Variants in RPA1 observed in about 807,000 individuals in gnomAD.
RPA1 encodes replication protein A1, also known as replication protein A 70 kDa DNA-binding subunit.
A neutral mutation model predicts 83.0 loss-of-function variants in RPA1; 49 were observed. That is an observed-to-expected ratio of 0.59 (90% confidence interval 0.47 to 0.75). RPA1 has a LOEUF of 0.75. RPA1 is among the 30% of genes least tolerant of loss of function. RPA1 has a pLI of 0.00. For synonymous variants in RPA1, 279 were observed against 281.8 expected (o/e 0.99, Z 0.10); for missense variants, 693 against 776.1 (o/e 0.89, Z 1.27).
chr17:1,890,882 C>T (rs546439561), intron 14 of RPA1, among the ~76,000 whole-genome samples: 2 of 152,196 alleles, frequency 1.3e-5, no homozygotes, highest in Non-Finnish European at 2.9e-5. Context: ...CACACGTGTG[C>T]GTCATTGTAG....
chr17:1,840,723 C>T (rs1055328448), intron 1 of RPA1, among the ~76,000 whole-genome samples: 3 of 152,268 alleles, frequency 2.0e-5, no homozygotes, highest in East Asian at 1.9e-4. Context: ...TGGTAGTTTT[C>T]GGTGTGCAGT....
intron 1 of RPA1, among the ~76,000 whole-genome samples, chr17:1,834,135 G>A (rs1393176616): frequency 2.0e-5 from 3 of 152,166 alleles, no homozygotes; most frequent in Non-Finnish European, 4.4e-5. Context: ...AGCCGAGATT[G>A]CACCAGTGCA....
In RPA1 at chr17:1,844,664, G is replaced by A. The variant is rs1912191033; in HGVS notation, c.250G>A (p.Val84Met). 1 of 1,613,398 alleles carries A rather than the reference G, an allele frequency of 6.2e-7. No homozygotes were observed. The highest frequency in any genetic ancestry group is 8.5e-7 in the Non-Finnish European group (1 of 1,179,576). The change falls in exon 4 of 17, where the codon GTG (valine) becomes ATG (methionine). Residue 84 changes from valine (V) to methionine (M), a missense_variant. By Grantham distance (21) the Val-to-Met change is conservative. Transcript: ENST00000254719. ...NCVCQIHRFI[V>M]NTLKDGRRVV... ...TGTATGCCAGATTCACAGATTTATTGTGAACACTCTGAAAGACGGAAGGTA... is the reference window on the plus strand; with the variant it reads ...TGTATGCCAGATTCACAGATTTATTATGAACACTCTGAAAGACGGAAGGTA...
chr17:1,858,251 A>G (rs1471806790), intron 5 of RPA1: 1 of 1,613,372 alleles, frequency 6.2e-7, no homozygotes, highest in African/African-American at 1.3e-5. Context: ...ACAAGTTCCA[A>G]ATAAGACTCA....
chr17:1,861,242 G>A (rs142989116), intron 5 of RPA1, among the ~76,000 whole-genome samples: 41 of 152,196 alleles, frequency 2.7e-4, no homozygotes, highest in Non-Finnish European at 5.0e-4. Flanking sequence ...CCAGCTAGAC[G>A]GCGATCTCCC....
intron 5 of RPA1, among the ~76,000 whole-genome samples, chr17:1,868,881 C>A (rs1025415176): frequency 6.6e-6 from 1 of 152,152 alleles, no homozygotes; most frequent in Non-Finnish European, 1.5e-5. Context: ...TTTTTGTCTG[C>A]GTATATAAGT....
chr17:1,892,749 A>G (rs983085236), intron 15 of RPA1, among the ~76,000 whole-genome samples: 3 of 152,256 alleles, frequency 2.0e-5, no homozygotes, highest in Admixed American at 6.5e-5. Context: ...ATCAGATGCA[A>G]TTCTTATGCG....
At chr17:1,832,763 C>G (rs945076341) in intron 1 of RPA1, among the ~76,000 whole-genome samples, 20 of 152,164 alleles carry the variant, frequency 1.3e-4, no homozygotes, top group African/African-American at 1.9e-4. Flanking sequence ...GCAATGATAT[C>G]TATTGCATAA....
At position 1,883,951 on chromosome 17, in the gene RPA1, A is replaced by T; in HGVS notation, c.1374+7A>T. On this transcript the variant is annotated splice_region_variant and intron_variant, in intron 13 of 16. Transcript: ENST00000254719. ...CCTGGGCCAAGGCGACAAGGTACCC[A>T]GCATTCCTAACCACCTTCACAAAGG... 6.2e-7 allele frequency: 1 copy of T among 1,613,604 alleles called. No individual in the cohort carries two copies. Among genetic ancestry groups the T allele is most frequent in the Non-Finnish European group, 8.5e-7 (1 of 1,179,972 alleles).
chr17:1,891,324 G>T (rs1217948615), intron 14 of RPA1, among the ~76,000 whole-genome samples: 1 of 152,174 alleles, frequency 6.6e-6, no homozygotes, highest in East Asian at 1.9e-4. Context: ...TGACAGAGCC[G>T]TCTCATGGAA....
chr17:1,831,739 C>G (rs1289898809), intron 1 of RPA1, among the ~76,000 whole-genome samples: 3 of 150,742 alleles, frequency 2.0e-5, no homozygotes, highest in Non-Finnish European at 4.4e-5. Flanking sequence ...GCTGGGACTA[C>G]AGGTACCCGC....
intron 11 of RPA1, among the ~76,000 whole-genome samples, 194 bp from the exon 12 acceptor site, chr17:1,880,349 C>G (rs1460357724): frequency 2.0e-5 from 3 of 152,270 alleles, no homozygotes; most frequent in African/African-American, 7.2e-5. Context: ...TGCTCTTTCC[C>G]CTAACTCTAG....
intron 5 of RPA1, among the ~76,000 whole-genome samples, chr17:1,859,673 C>G (rs1912865345): frequency 6.6e-6 from 1 of 152,164 alleles, no homozygotes; most frequent in Non-Finnish European, 1.5e-5. Flanking sequence ...CTCTGTTGCC[C>G]AGGCTGGAGT....
At position 1,837,946 on chromosome 17, in the gene RPA1, TTTTG is replaced by T. The variant is rs777391368; in HGVS notation, c.34-4849_34-4846del. 1.9e-3 allele frequency among the ~76,000 whole-genome samples: 293 copies of T among 152,342 alleles called. 2 individuals are homozygous for T. Among genetic ancestry groups the T allele is most frequent in the Non-Finnish European group, 3.3e-3 (226 of 68,034 alleles). ...AAGTCCAAGTTATCAGGTTGTGTTT[TTTTG>T]TTTGTTTTTGTTTTGTTTTTTGCAG... On this transcript the variant is annotated intron_variant, in intron 1 of 16. Transcript: ENST00000254719.
At chr17:1,892,773 G>C (rs1051799232) in intron 15 of RPA1, among the ~76,000 whole-genome samples, 1 of 152,158 alleles carries the variant, frequency 6.6e-6, no homozygotes, top group African/African-American at 2.4e-5. Flanking sequence ...ACTTTCTTCC[G>C]TAAGGTAACT....
intron 5 of RPA1, among the ~76,000 whole-genome samples, chr17:1,857,085 A>G (rs11867830): frequency 0.19 from 29,558 of 151,966 alleles, 3,187 homozygotes; most frequent in East Asian, 0.41. Flanking sequence ...GTAGCATTAT[A>G]AATCTGCCCT....
intron 4 of RPA1, among the ~76,000 whole-genome samples, chr17:1,848,046 A>G (rs1912329173): frequency 6.6e-6 from 1 of 152,102 alleles, no homozygotes; most frequent in Non-Finnish European, 1.5e-5. Context: ...AGACAAATCC[A>G]TAGAAACAAA....
chr17:1,881,888 C>CTCTCTCCTTGCTGTG (rs11276126), intron 12 of RPA1, among the ~76,000 whole-genome samples: 1 of 152,046 alleles, frequency 6.6e-6, no homozygotes, highest in African/African-American at 2.4e-5. Flanking sequence ...GAAGGGCCGC[C>CTCTCTCCTTGCTGTG]TTGACTCCTG....
At chr17:1,879,885 G>A (rs1467820498) in intron 11 of RPA1, among the ~76,000 whole-genome samples, 186 bp downstream of exon 11, 1 of 147,594 alleles carries the variant, frequency 6.8e-6, no homozygotes, top group Non-Finnish European at 1.5e-5. Context: ...TTGGCGGAGG[G>A]GGCATCTTGT....
Sources: allele counts gnomAD v4.1 joint callset (sites outside exome capture counted in the v4.1 genomes callset), GRCh38; gene constraint gnomAD v4.1.1; transcripts MANE v1.5; gene names NCBI Gene and HGNC (gene_info 2026-07-23, HGNC 2026-07-21).